The following LRRC7 variants were observed in gnomAD, a reference collection of about 807,000 sequenced individuals.
LRRC7 encodes leucine-rich repeat-containing protein 7.
A neutral mutation model predicts 175.7 loss-of-function variants in LRRC7; 23 were observed. The observed-to-expected ratio is 0.13, with a 90% CI of 0.09 to 0.19. The LOEUF (loss-of-function observed/expected upper bound fraction) is 0.19, where lower values mean the gene tolerates loss of function less well. LRRC7 is among the 10% of genes least tolerant of loss of function. The probability of loss-of-function intolerance (pLI) is 1.00; values close to 1 mark genes in which losing one functional copy is unlikely to be tolerated. For synonymous variants in LRRC7, 685 were observed against 680.9 expected (o/e 1.01, Z -0.09); for missense variants, 1,354 against 1,904.7 (o/e 0.71, Z 5.38).
At position 69,931,666 on chromosome 1, in the gene LRRC7, G is replaced by A. The variant is rs565280191; in HGVS notation, c.711+96G>A. 45 of 940,040 alleles carry A rather than the reference G, an allele frequency of 4.8e-5. 1 individual carries two copies. The highest frequency in any genetic ancestry group is 2.1e-4 in the Middle Eastern group (1 of 4,692). 58.2% of individuals were successfully genotyped at this position (940,040 alleles called of 1,614,324 possible). ...AACCAAGGTATTAACTTGATTGCAC[G>A]TTTGCATTTGCTAAATGTAAAAGTA... is the stretch of plus-strand genomic sequence containing the variant. On this transcript the variant is annotated intron_variant, in intron 8 of 26. Transcript: ENST00000651989.
At chr1:69,866,601 T>C (rs1027620273) in intron 7 of LRRC7, among the ~76,000 whole-genome samples, 1 of 152,220 alleles carries the variant, frequency 6.6e-6, no homozygotes, top group Non-Finnish European at 1.5e-5. Flanking sequence ...TATTTACATC[T>C]TATAAAATGA....
chr1:69,763,173 A>G (rs571118544), intron 3 of LRRC7, among the ~76,000 whole-genome samples: 1 of 152,198 alleles, frequency 6.6e-6, no homozygotes, highest in East Asian at 1.9e-4. Flanking sequence ...GACTTTACAA[A>G]GAAATAGGTT....
intron 2 of LRRC7, among the ~76,000 whole-genome samples, chr1:69,710,966 G>A (rs1416227893): frequency 6.6e-6 from 1 of 152,070 alleles, no homozygotes; most frequent in Non-Finnish European, 1.5e-5. Context: ...AAATTCAAGT[G>A]ACTCCTAGGG....
chr1:70,028,167 C>A lies in LRRC7; in HGVS notation c.1795-4C>A, dbSNP rs1299090972. ...ATGTTAAATTTCTTTTTGTAAACTT[C>A]TAGGTTGAAATAAACCTAAAACGAT... On this transcript the variant is annotated splice_region_variant and splice_polypyrimidine_tract_variant and intron_variant, in intron 17 of 26. Transcript: ENST00000651989. 1 of 1,608,146 alleles carries A rather than the reference C, an allele frequency of 6.2e-7. No individual in the cohort carries two copies. Among genetic ancestry groups the A allele is most frequent in the South Asian group, 1.1e-5 (1 of 90,456 alleles).
chr1:70,007,441 A>G (rs562243411), intron 11 of LRRC7, among the ~76,000 whole-genome samples: 1 of 152,334 alleles, frequency 6.6e-6, no homozygotes, highest in Admixed American at 6.5e-5. Context: ...AGGTCTTTAA[A>G]ACCTTTTGTC....
At chr1:69,653,984 A>G (rs1297871063) in intron 1 of LRRC7, among the ~76,000 whole-genome samples, 1 of 152,104 alleles carries the variant, frequency 6.6e-6, no homozygotes, top group East Asian at 1.9e-4. Context: ...ATTGCTGTTC[A>G]ATAACTATAG....
chr1:69,905,304 T>G lies in LRRC7; in HGVS notation c.648-26203T>G, dbSNP rs893486871. Among the ~76,000 whole-genome samples the G allele has an allele frequency of 2.6e-5, 4 of 151,956 alleles. No individual in the cohort carries two copies. In the East Asian group the frequency reaches 7.7e-4, roughly 29 times the overall value. ...TAAGTTTTAGGGTACATGTGCACAA[T>G]GTGCAGGTTTGTTACATATGTATAC... On this transcript the variant is annotated intron_variant, in intron 7 of 26. Transcript: ENST00000651989.
rs527497475 is a variant in LRRC7, at chr1:70,016,339, G to C, written c.1251-126G>C. The C allele has an allele frequency of 1.8e-5, 10 of 558,746 alleles. No individual in the cohort carries two copies. In the South Asian group the frequency reaches 3.2e-4, roughly 18 times the overall value. The allele number at this position is 558,746 out of a possible 1,614,324, so 34.6% of individuals were successfully genotyped here. ...TTTCATTTTTTTAAATATTGTTCAG[G>C]CTGCTCAATGGAGAAGGGATTCAAG... On this transcript the variant is annotated intron_variant, in intron 13 of 26. Coordinates refer to ENST00000651989, the MANE Select transcript of LRRC7 (RefSeq NM_001370785.2).
chr1:69,854,327 A>AT (rs1488557628), intron 7 of LRRC7, among the ~76,000 whole-genome samples: 2 of 152,070 alleles, frequency 1.3e-5, no homozygotes, highest in Non-Finnish European at 2.9e-5. Context: ...GTAAGATCCC[A>AT]TCTCTACAAA....
chr1:69,956,704 T>C (rs576755567), intron 8 of LRRC7, among the ~76,000 whole-genome samples: 2 of 151,678 alleles, frequency 1.3e-5, no homozygotes, highest in African/African-American at 4.8e-5. Context: ...TAGAATGTAT[T>C]GTAAAAATAG....
chr1:69,644,882 C>A (rs2100450185), intron 1 of LRRC7, among the ~76,000 whole-genome samples: 1 of 151,932 alleles, frequency 6.6e-6, no homozygotes, highest in East Asian at 1.9e-4. Flanking sequence ...ACCTTGTGAC[C>A]ATCAAAATAA....
intron 1 of LRRC7, among the ~76,000 whole-genome samples, chr1:69,608,858 CTCTCTCTCTATATATA>C (rs1402428145): frequency 0.021 from 543 of 25,744 alleles, no homozygotes; most frequent in Middle Eastern, 0.047. Flanking sequence ...CTCTCTCTCT[CTCTCTCTCTATATATA>C]TATATATATA....
intron 1 of LRRC7, among the ~76,000 whole-genome samples, chr1:69,622,435 AG>A (rs1025324829): frequency 6.6e-6 from 1 of 152,176 alleles, no homozygotes; most frequent in Non-Finnish European, 1.5e-5. Flanking sequence ...CTTTTCTAAG[AG>A]TCTGGAGATA....
intron 5 of LRRC7, among the ~76,000 whole-genome samples, chr1:69,827,228 G>A (rs1380434462): frequency 6.6e-6 from 1 of 152,084 alleles, no homozygotes; most frequent in African/African-American, 2.4e-5. Context: ...AAACAATCCA[G>A]TGCTGTTGAT....
intron 1 of LRRC7, among the ~76,000 whole-genome samples, chr1:69,589,849 A>G (rs1646562420): frequency 1.3e-5 from 2 of 152,174 alleles, no homozygotes; most frequent in Non-Finnish European, 2.9e-5. Context: ...ATCACAATCT[A>G]TACCTATTTC....
chr1:69,921,179 C>T (rs1016799292), intron 7 of LRRC7, among the ~76,000 whole-genome samples: 1 of 133,002 alleles, frequency 7.5e-6, no homozygotes, highest in Admixed American at 7.9e-5. Context: ...AATTCAAGAA[C>T]GTGTGTGGTA....
chr1:70,074,516 A>T (rs1469486271), intron 23 of LRRC7, among the ~76,000 whole-genome samples: 1 of 152,214 alleles, frequency 6.6e-6, no homozygotes, highest in Non-Finnish European at 1.5e-5. Flanking sequence ...GAGGTTATAG[A>T]TCTGTAATCA....
intron 7 of LRRC7, among the ~76,000 whole-genome samples, chr1:69,905,156 T>C (rs1428056135): frequency 2.0e-5 from 3 of 152,164 alleles, no homozygotes; most frequent in Non-Finnish European, 4.4e-5. Flanking sequence ...AAAATACACA[T>C]GCATATGCCT....
At position 69,849,168 on chromosome 1, in the gene LRRC7, A is replaced by G. The variant is rs139655421; in HGVS notation, c.647+10885A>G. On this transcript the variant is annotated intron_variant, in intron 7 of 26. Transcript: ENST00000651989. ...TTTTATGAGCAAGATTAGAAATAAA[A>G]TTAGATTACAAAGCTATGAATCTTA... Among the ~76,000 whole-genome samples the G allele has an allele frequency of 3.3e-3, 501 of 152,162 alleles. 1 individual carries two copies. The highest frequency in any genetic ancestry group is 0.011 in the African/African-American group (452 of 41,582).
Sources: gnomAD v4.1 joint callset for allele counts (sites outside exome capture counted in the v4.1 genomes callset) on GRCh38, gnomAD v4.1.1 for gene constraint, MANE v1.5 for transcripts, NCBI Gene and HGNC (gene_info 2026-07-23, HGNC 2026-07-21) for gene names.